The following PAXIP1 variants were observed in gnomAD, a reference collection of about 807,000 sequenced individuals.
The protein encoded by PAXIP1 is PAX-interacting protein 1.
Under a neutral mutation model 140.6 loss-of-function variants are expected in PAXIP1, and 19 were observed. The observed-to-expected ratio is 0.14, with a 90% CI of 0.09 to 0.20. The LOEUF (loss-of-function observed/expected upper bound fraction) is 0.20, where lower values mean the gene tolerates loss of function less well. Among genes scored for constraint, PAXIP1 ranks in the 10% least tolerant of loss-of-function variants. The pLI, the probability that PAXIP1 is intolerant of heterozygous loss-of-function variation, is 1.00. For missense variants in PAXIP1, 920 were observed against 1,208.6 expected (o/e 0.76, Z 3.54); for synonymous variants, 442 against 444.6 (o/e 0.99, Z 0.07).
chr7:154,944,105 G>A lies in PAXIP1; in HGVS notation c.*44C>T. 2 of 1,607,258 alleles carry A rather than the reference G, an allele frequency of 1.2e-6. No individual in the cohort carries two copies. Among genetic ancestry groups the A allele is most frequent in the Non-Finnish European group, 8.5e-7 (1 of 1,175,058 alleles). ...CAGCTCCTCGCCAGCCAGACAGCCA[G>A]CCCCGCACCGCAGGAGTCGACATGC... On this transcript the variant is annotated 3_prime_UTR_variant, in exon 21 of 21. Transcript: ENST00000404141.
intron 5 of PAXIP1, among the ~76,000 whole-genome samples, chr7:154,978,917 T>C (rs1180324020): frequency 5.3e-5 from 8 of 152,204 alleles, no homozygotes; most frequent in Non-Finnish European, 7.3e-5. Flanking sequence ...TCCTAGTTTG[T>C]ATAGAATGCT....
Position 154,986,399 on chromosome 7 carries a change from A to G in PAXIP1, c.325-3067T>C, listed in dbSNP as rs1388237557. On this transcript the variant is annotated intron_variant, in intron 4 of 20. Transcript: ENST00000404141. The surrounding 1 kb of genome is among the most constrained non-coding windows in gnomAD (Gnocchi z 4.8). The stretch of plus-strand genomic sequence containing the variant: ...ACCTGGTGCCCACTTTCATTTTTGC[A>G]TATGTTGCAACATACCGTATTTGCC... 1.3e-5 allele frequency among the ~76,000 whole-genome samples: 2 copies of G among 152,054 alleles called. No individual in the cohort carries two copies. Among genetic ancestry groups the G allele is most frequent in the Non-Finnish European group, 2.9e-5 (2 of 68,004 alleles).
Position 154,968,391 on chromosome 7 carries a change from T to TC in PAXIP1, c.1798+11dup. The TC allele has an allele frequency of 1.3e-6, 2 of 1,524,570 alleles. No homozygotes were observed. The highest frequency in any genetic ancestry group is 1.8e-6 in the Non-Finnish European group (2 of 1,130,504). The allele number at this position is 1,524,570 out of a possible 1,614,324, so 94.4% of individuals were successfully genotyped here. A position where few individuals can be genotyped will look rare whatever the true frequency, so the allele number is the denominator to read the frequency against. ...CTTTTAGGAGAGAGGAAAAATAATC[T>TC]CCATTACTAACTCTCCACTGCTGGA... On this transcript the variant is annotated intron_variant, in intron 7 of 20. Coordinates refer to ENST00000404141, the MANE Select transcript of PAXIP1 (RefSeq NM_007349.4).
At position 154,963,818 on chromosome 7, in the gene PAXIP1, G is replaced by A. The variant is rs1052822654; in HGVS notation, c.1894-52C>T. The A allele has an allele frequency of 7.3e-6, 9 of 1,233,700 alleles. No individual in the cohort carries two copies. In the East Asian group the frequency reaches 2.1e-4, roughly 29 times the overall value. The allele number at this position is 1,233,700 out of a possible 1,614,324, so 76.4% of individuals were successfully genotyped here. ...GTCATCAATCACTCAGAATAGAGGA[G>A]AATTCCAATTTCAAATAAGGCAGCT... On this transcript the variant is annotated intron_variant, in intron 8 of 20. Transcript: ENST00000404141. This position sits in a 1 kb window ranked among gnomAD's most constrained non-coding sequence, Gnocchi z 4.1.
intron 11 of PAXIP1, among the ~76,000 whole-genome samples, 179 bp from the exon 12 acceptor site, chr7:154,961,256 C>T (rs1808742234): frequency 6.6e-6 from 1 of 152,220 alleles, no homozygotes; most frequent in South Asian, 2.1e-4. Context: ...TCAAGGCTCA[C>T]ACAGAATTAC....
chr7:154,970,317 G>A (rs1809239791), intron 6 of PAXIP1, among the ~76,000 whole-genome samples: 2 of 152,328 alleles, frequency 1.3e-5, no homozygotes, highest in South Asian at 4.1e-4. Flanking sequence ...ATTCTAACAT[G>A]TATCTTTCAC....
At chr7:154,996,863 G>C (rs1810647627) in intron 2 of PAXIP1, among the ~76,000 whole-genome samples, 1 of 152,186 alleles carries the variant, frequency 6.6e-6, no homozygotes, top group Admixed American at 6.5e-5. Flanking sequence ...GGGTCAGGCA[G>C]GTTTAAGAAC....
chr7:154,971,991 T>G (rs1044908370), intron 6 of PAXIP1, among the ~76,000 whole-genome samples: 1 of 152,226 alleles, frequency 6.6e-6, no homozygotes, highest in South Asian at 2.1e-4. Context: ...TAGAAATGGA[T>G]GGAGCCTTCT....
rs938972443 is a variant in PAXIP1, at chr7:154,954,898, G to A, written c.2653-475C>T. Among the ~76,000 whole-genome samples the A allele has an allele frequency of 1.3e-5, 2 of 152,120 alleles. No individual in the cohort carries two copies. The highest frequency in any genetic ancestry group is 4.8e-5 in the African/African-American group (2 of 41,442). On this transcript the variant is annotated intron_variant, in intron 15 of 20. Transcript: ENST00000404141. This position sits in a 1 kb window ranked among gnomAD's most constrained non-coding sequence, Gnocchi z 5.1. ...TAACTATCCTCACATTTTAAAGGTGGAGAAATTAATTTGTTCTAAATGTAT... is the reference window on the plus strand; with the variant it reads ...TAACTATCCTCACATTTTAAAGGTGAAGAAATTAATTTGTTCTAAATGTAT...
At chr7:155,002,522 T>C (rs1310731479) in intron 1 of PAXIP1, among the ~76,000 whole-genome samples, 1 of 151,228 alleles carries the variant, frequency 6.6e-6, no homozygotes, top group African/African-American at 2.4e-5. Flanking sequence ...CCCGCGCCCG[T>C]CCCGCTCAGC....
intron 1 of PAXIP1, among the ~76,000 whole-genome samples, chr7:155,002,354 C>T (rs1314689467): frequency 2.0e-5 from 3 of 152,128 alleles, no homozygotes; most frequent in Non-Finnish European, 4.4e-5. Flanking sequence ...GTGGCGGAGG[C>T]GGCCAAGCCG....
intron 20 of PAXIP1, chr7:154,945,665 G>A (rs905559032): frequency 2.0e-6 from 2 of 985,394 alleles, no homozygotes; most frequent in African/African-American, 3.5e-5. Context: ...GAAGTCCTGA[G>A]AACAGCCCTG....
At chr7:155,002,787 G>C (rs1486716234) in intron 1 of PAXIP1, 62 bp downstream of exon 1, 5 of 963,638 alleles carry the variant, frequency 5.2e-6, no homozygotes, top group African/African-American at 1.8e-5. Context: ...GACGGGGACG[G>C]GGACGGGGAC....
At chr7:154,988,240 C>T (rs1035075974) in intron 4 of PAXIP1, among the ~76,000 whole-genome samples, 6 of 152,186 alleles carry the variant, frequency 3.9e-5, no homozygotes, top group Admixed American at 3.3e-4. Context: ...TGCAGAATGC[C>T]CTCCTCCCTT....
At chr7:154,953,765 C>A (rs1198250231) in intron 16 of PAXIP1, among the ~76,000 whole-genome samples, 1 of 152,174 alleles carries the variant, frequency 6.6e-6, no homozygotes, top group Admixed American at 6.5e-5. Flanking sequence ...CCTTTACATA[C>A]CATGTCTAAA....
intron 2 of PAXIP1, among the ~76,000 whole-genome samples, chr7:154,995,232 G>A (rs147822980): frequency 2.0e-5 from 3 of 152,292 alleles, no homozygotes; most frequent in African/African-American, 7.2e-5. Flanking sequence ...AAAGTGGGAG[G>A]GGCCACTGTG....
chr7:154,968,816 T>G lies in PAXIP1; in HGVS notation c.1385A>C (p.Gln462Pro), dbSNP rs1340591254. The change falls in exon 7 of 21, where the codon CAG becomes CCG. Residue 462 changes from glutamine to proline, a missense_variant. Physicochemically the swap from Gln to Pro is moderately conservative, Grantham distance 76. This residue lies in a region of PAXIP1 where 133 missense variants were observed against 88.4 expected (regional missense o/e 1.50). Transcript: ENST00000404141. Reference protein sequence around the residue: ...QQQQQQAHPHQFSQQQLQFPQ... With the variant: ...QQQQQQAHPHPFSQQQLQFPQ... Reference sequence around the variant, plus strand: ...AAACTGTAGCTGTTGCTGTGAAAACTGATGCGGATGGGCTTGCTGCTGCTG... The same window carrying G: ...AAACTGTAGCTGTTGCTGTGAAAACGGATGCGGATGGGCTTGCTGCTGCTG... 1 of 732,184 alleles carries G rather than the reference T, an allele frequency of 1.4e-6. No individual in the cohort carries two copies. 45.4% of individuals were successfully genotyped at this position (732,184 alleles called of 1,614,324 possible).
At chr7:154,974,431 G>T (rs1292918999) in intron 6 of PAXIP1, 1 of 152,118 alleles carries the variant, frequency 6.6e-6, no homozygotes, top group African/African-American at 2.4e-5. Flanking sequence ...ATCCTTCCTA[G>T]AACTCATTCA....
At position 154,986,456 on chromosome 7, in the gene PAXIP1, A is replaced by G. The variant is rs1810077947; in HGVS notation, c.325-3124T>C. ...CTGACCCCTCCTAGACTGTATGTTT[A>G]CTGAGAGAGAAATCGCATCTTAATT... On this transcript the variant is annotated intron_variant, in intron 4 of 20. Coordinates refer to ENST00000404141, the MANE Select transcript of PAXIP1 (RefSeq NM_007349.4). The surrounding 1 kb of genome is among the most constrained non-coding windows in gnomAD (Gnocchi z 4.8). Among the ~76,000 whole-genome samples the G allele has an allele frequency of 6.6e-6, 1 of 152,180 alleles. No homozygotes were observed. Among genetic ancestry groups the G allele is most frequent in the Non-Finnish European group, 1.5e-5 (1 of 68,022 alleles).
Sources: allele counts gnomAD v4.1 joint callset (sites outside exome capture counted in the v4.1 genomes callset), GRCh38; gene constraint gnomAD v4.1.1; regional missense constraint gnomAD v4.1.1; non-coding constraint Gnocchi (gnomAD v3.1); transcripts MANE v1.5; gene names NCBI Gene and HGNC (gene_info 2026-07-23, HGNC 2026-07-21).